Variants in DNAJC1 observed in about 807,000 individuals in gnomAD.
DNAJC1 encodes the protein dnaJ homolog subfamily C member 1.
Under a neutral mutation model 76.6 loss-of-function variants are expected in DNAJC1, and 58 were observed. That is an observed-to-expected ratio of 0.76 (90% CI 0.61 to 0.94). The LOEUF is 0.94. Ranked by LOEUF, DNAJC1 falls within the 40% of genes least tolerant of loss-of-function variation. The probability of loss-of-function intolerance (pLI) is 0.00; values close to 1 mark genes in which losing one functional copy is unlikely to be tolerated. For missense variants in DNAJC1, 689 were observed against 677.3 expected (o/e 1.02, Z -0.19); for synonymous variants, 258 against 267.9 (o/e 0.96, Z 0.36).
At chr10:21,868,321 C>T (rs1046263856) in intron 8 of DNAJC1, among the ~76,000 whole-genome samples, 5 of 151,422 alleles carry the variant, frequency 3.3e-5, no homozygotes, top group Non-Finnish European at 7.4e-5. Context: ...ATGGGTTTGT[C>T]CATATTGGTC....
chr10:21,786,064 G>A (rs138575972), intron 9 of DNAJC1, among the ~76,000 whole-genome samples: 69 of 152,108 alleles, frequency 4.5e-4, no homozygotes, highest in African/African-American at 1.4e-3. Flanking sequence ...ATTCACTGTC[G>A]TATAGTACAA....
intron 9 of DNAJC1, among the ~76,000 whole-genome samples, chr10:21,789,259 T>C (rs1277515287): frequency 6.6e-6 from 1 of 152,240 alleles, no homozygotes; most frequent in Non-Finnish European, 1.5e-5. Flanking sequence ...GTCACATTTA[T>C]TACTAATGTT....
intron 1 of DNAJC1, among the ~76,000 whole-genome samples, chr10:21,982,123 A>C (rs1838168204): frequency 6.6e-6 from 1 of 152,220 alleles, no homozygotes; most frequent in Non-Finnish European, 1.5e-5. Flanking sequence ...TTCAGAATTA[A>C]GCTTCATTCT....
At chr10:21,798,585 A>T (rs988178327) in intron 9 of DNAJC1, among the ~76,000 whole-genome samples, 4 of 152,042 alleles carry the variant, frequency 2.6e-5, no homozygotes, top group African/African-American at 9.7e-5. Flanking sequence ...TTCTCAGACA[A>T]CCTTGCTCCT....
At chr10:21,776,296 G>A (rs1475864472) in intron 9 of DNAJC1, among the ~76,000 whole-genome samples, 1 of 152,122 alleles carries the variant, frequency 6.6e-6, no homozygotes, top group Non-Finnish European at 1.5e-5. Flanking sequence ...GCTATATAAA[G>A]TATATGTTCA....
intron 7 of DNAJC1, among the ~76,000 whole-genome samples, chr10:21,899,678 G>C (rs1038605079): frequency 6.6e-6 from 1 of 152,326 alleles, no homozygotes; most frequent in Non-Finnish European, 1.5e-5. Context: ...AGAGTTCTAC[G>C]AACAGAGCTC....
chr10:21,903,364 T>C (rs1836690636), intron 7 of DNAJC1, among the ~76,000 whole-genome samples: 1 of 152,266 alleles, frequency 6.6e-6, no homozygotes, highest in African/African-American at 2.4e-5. Context: ...TCCTACTTTT[T>C]AACACATATG....
chr10:21,867,824 C>G (rs904981729), intron 8 of DNAJC1, among the ~76,000 whole-genome samples: 3 of 152,036 alleles, frequency 2.0e-5, no homozygotes, highest in Non-Finnish European at 4.4e-5. Flanking sequence ...GTAATCCCAG[C>G]ACTTTGGGAG....
intron 1 of DNAJC1, among the ~76,000 whole-genome samples, chr10:21,987,439 T>A (rs550303640): frequency 4.5e-4 from 69 of 152,310 alleles, no homozygotes; most frequent in African/African-American, 1.6e-3. Flanking sequence ...AGAAGTGTAA[T>A]ACAAAGATTA....
intron 9 of DNAJC1, among the ~76,000 whole-genome samples, chr10:21,770,821 C>G (rs907118210): frequency 6.6e-6 from 1 of 152,144 alleles, no homozygotes; most frequent in African/African-American, 2.4e-5. Flanking sequence ...CTTTGACTCA[C>G]AAAAGTTTTT....
At chr10:21,834,102 A>T (rs1010349238) in intron 8 of DNAJC1, among the ~76,000 whole-genome samples, 4 of 152,078 alleles carry the variant, frequency 2.6e-5, no homozygotes, top group African/African-American at 7.2e-5. Flanking sequence ...ATCTCTACTA[A>T]AAATACAAAA....
At chr10:21,976,457 G>A (rs1377553298) in intron 1 of DNAJC1, among the ~76,000 whole-genome samples, 9 of 152,156 alleles carry the variant, frequency 5.9e-5, no homozygotes, top group South Asian at 2.1e-4. Flanking sequence ...CACAGGTCCT[G>A]AAAGTACCAA....
chr10:21,979,363 A>G (rs1056609981), intron 1 of DNAJC1, among the ~76,000 whole-genome samples: 1 of 152,060 alleles, frequency 6.6e-6, no homozygotes, highest in Non-Finnish European at 1.5e-5. Flanking sequence ...AACTGATCTA[A>G]AGAATCTATA....
intron 8 of DNAJC1, among the ~76,000 whole-genome samples, chr10:21,807,637 C>T (rs539620387): frequency 3.9e-4 from 59 of 152,322 alleles, no homozygotes; most frequent in African/African-American, 1.3e-3. Context: ...CAACCTGCCA[C>T]TTAAGAGTCA....
intron 11 of DNAJC1, among the ~76,000 whole-genome samples, chr10:21,757,864 C>T (rs1303906529): frequency 1.3e-5 from 2 of 152,166 alleles, no homozygotes; most frequent in Admixed American, 6.5e-5. Flanking sequence ...GGTTGAAAAC[C>T]GGAAGGTTTC....
intron 10 of DNAJC1, among the ~76,000 whole-genome samples, chr10:21,762,032 C>T (rs984984536): frequency 6.6e-6 from 1 of 152,136 alleles, no homozygotes; most frequent in African/African-American, 2.4e-5. Flanking sequence ...CTCAGCCTCT[C>T]GAGTAGCTGG....
In DNAJC1 at chr10:21,918,787, G is replaced by C. The variant is rs1836993627; in HGVS notation, c.721C>G (p.Leu241Val). ...FCLTLKALPH[L>V]IQDAGQFYAK... ...AAAGAGGTACATTTTACCTGGATGA[G>C]GTGAGGTAATGCTTTTAGTGTAAGG... The change falls in exon 6 of 12, where the codon CTC becomes GTC. Residue 241 changes from leucine (L) to valine (V), a missense_variant. Transcript: ENST00000376980. 6.2e-7 allele frequency: 1 copy of C among 1,609,976 alleles called. No individual in the cohort carries two copies. The highest frequency in any genetic ancestry group is 1.3e-5 in the African/African-American group (1 of 74,786).
At chr10:21,963,991 C>G (rs1350669944) in intron 1 of DNAJC1, among the ~76,000 whole-genome samples, 1 of 152,202 alleles carries the variant, frequency 6.6e-6, no homozygotes, top group South Asian at 2.1e-4. Flanking sequence ...ACCCCTACTC[C>G]CCACACATTT....
At chr10:21,986,581 C>A (rs893432240) in intron 1 of DNAJC1, among the ~76,000 whole-genome samples, 5 of 151,974 alleles carry the variant, frequency 3.3e-5, no homozygotes, top group African/African-American at 4.8e-5. Context: ...AAGTTTTATT[C>A]TCTATCTGGG....
Sources: allele counts gnomAD v4.1 joint callset (sites outside exome capture counted in the v4.1 genomes callset), GRCh38; gene constraint gnomAD v4.1.1; transcripts MANE v1.5; gene names NCBI Gene and HGNC (gene_info 2026-07-23, HGNC 2026-07-21).